The following ACTN1 variants were observed in gnomAD, a reference collection of about 807,000 sequenced individuals.
ACTN1 encodes the protein alpha-actinin-1.
A neutral mutation model predicts 119.6 loss-of-function variants in ACTN1; 30 were observed. The observed-to-expected ratio is 0.25, with a 90% CI of 0.19 to 0.34. The LOEUF is 0.34. ACTN1 is among the 10% of genes least tolerant of loss of function. The probability of loss-of-function intolerance (pLI) is 1.00; values close to 1 mark genes in which losing one functional copy is unlikely to be tolerated. For missense variants in ACTN1, 764 were observed against 1,223.4 expected, an observed-to-expected ratio of 0.62 and a Z score of 5.60; for synonymous variants, 429 against 472.6, an observed-to-expected ratio of 0.91 and a Z score of 1.20.
intron 21 of ACTN1, chr14:68,875,235 A>G (rs1250603219): frequency 1.5e-6 from 2 of 1,318,638 alleles, no homozygotes; most frequent in Non-Finnish European, 2.0e-6. Flanking sequence ...TTTCCACTTC[A>G]GTACCTACTT....
chr14:68,878,349 G>T lies in ACTN1; in HGVS notation c.2427+109C>A, dbSNP rs189636599. Reference sequence around the variant, plus strand: ...ATGGGCCCTGGGGCTCCTCCAGGGAGGGCAGCCCCTAGCCTGAGGGCCTCC... The same window carrying T: ...ATGGGCCCTGGGGCTCCTCCAGGGATGGCAGCCCCTAGCCTGAGGGCCTCC... On this transcript the variant is annotated intron_variant, in intron 20 of 21. Transcript: ENST00000394419. This position sits in a 1 kb window ranked among gnomAD's most constrained non-coding sequence, Gnocchi z 4.4. 712 of 1,443,746 alleles carry T rather than the reference G, an allele frequency of 4.9e-4. 3 individuals are homozygous for T. The African/African-American group carries it at 9.1e-3, about 18-fold the overall frequency. 89.4% of individuals were successfully genotyped at this position (1,443,746 alleles called of 1,614,324 possible). A position where few individuals can be genotyped will look rare whatever the true frequency, so the allele number is the denominator to read the frequency against.
chr14:68,976,290 G>A (rs1358645733), intron 1 of ACTN1, among the ~76,000 whole-genome samples: 2 of 151,996 alleles, frequency 1.3e-5, no homozygotes, highest in Admixed American at 6.6e-5. Context: ...TCACTCCCCT[G>A]CCTCCCTCTG....
intron 1 of ACTN1, 162 bp downstream of exon 1, chr14:68,978,790 T>C: frequency 4.4e-6 from 2 of 451,212 alleles, no homozygotes. Flanking sequence ...GCCAGGCGCC[T>C]GTAACCCAAC....
At position 68,959,324 on chromosome 14, in the gene ACTN1, A is replaced by G. The variant is rs986004070; in HGVS notation, c.105+19628T>C. 1.4e-4 allele frequency among the ~76,000 whole-genome samples: 22 copies of G among 152,210 alleles called. 1 individual carries two copies. Among genetic ancestry groups the G allele is most frequent in the African/African-American group, 5.1e-4 (21 of 41,458 alleles). On this transcript the variant is annotated intron_variant, in intron 1 of 21. Coordinates refer to ENST00000394419, the MANE Select transcript of ACTN1 (RefSeq NM_001130004.2). ...TTTAACACCATACCTGTGGCTTTCA[A>G]TGGGAGCTGATTTAAGAAACAAGTA...
At chr14:68,953,780 G>A (rs577077659) in intron 1 of ACTN1, among the ~76,000 whole-genome samples, 3 of 151,662 alleles carry the variant, frequency 2.0e-5, no homozygotes, top group Admixed American at 6.6e-5. Flanking sequence ...CCAGCTACTC[G>A]GGAGGCTGAG....
intron 3 of ACTN1, among the ~76,000 whole-genome samples, chr14:68,920,128 C>G (rs1038104153): frequency 6.6e-6 from 1 of 152,210 alleles, no homozygotes; most frequent in Middle Eastern, 3.2e-3. Flanking sequence ...ATGGCGGAAC[C>G]TTGAGGAAGT....
chr14:68,892,027 G>A, intron 10 of ACTN1, 26 bp downstream of exon 10: 1 of 1,610,096 alleles, frequency 6.2e-7, no homozygotes, highest in Non-Finnish European at 8.5e-7. Flanking sequence ...CCAGTCTGGG[G>A]GCCCAGGCTC....
chr14:68,919,240 T>G (rs902584907), intron 3 of ACTN1, among the ~76,000 whole-genome samples: 1 of 152,210 alleles, frequency 6.6e-6, no homozygotes, highest in Non-Finnish European at 1.5e-5. Flanking sequence ...ACTTCTTACA[T>G]CCACAAGGTG....
In ACTN1 at chr14:68,960,628, G is replaced by C. The variant is rs969631656; in HGVS notation, c.105+18324C>G. Among the ~76,000 whole-genome samples the C allele has an allele frequency of 2.6e-5, 4 of 151,922 alleles. No individual in the cohort carries two copies. In the East Asian group the frequency reaches 7.7e-4, roughly 29 times the overall value. Reference sequence around the variant, plus strand: ...TCTTCTAACTTTAATTTAAAACTCTGGCCCAGGCACAGTGGCTCCTACCTG... The same window carrying C: ...TCTTCTAACTTTAATTTAAAACTCTCGCCCAGGCACAGTGGCTCCTACCTG... On this transcript the variant is annotated intron_variant, in intron 1 of 21. Coordinates refer to ENST00000394419, the MANE Select transcript of ACTN1 (RefSeq NM_001130004.2).
intron 3 of ACTN1, among the ~76,000 whole-genome samples, chr14:68,916,756 A>G (rs963495137): frequency 2.0e-5 from 3 of 152,212 alleles, no homozygotes; most frequent in Non-Finnish European, 4.4e-5. Flanking sequence ...GTGACAGATT[A>G]ACAGCGTCTG....
chr14:68,935,027 T>A (rs2140452599), intron 1 of ACTN1, among the ~76,000 whole-genome samples: 1 of 152,306 alleles, frequency 6.6e-6, no homozygotes, highest in Non-Finnish European at 1.5e-5. Context: ...GGGCTTTGTT[T>A]TTGTTTTTTT....
intron 1 of ACTN1, among the ~76,000 whole-genome samples, chr14:68,960,890 T>A (rs549530688): frequency 3.4e-4 from 51 of 152,178 alleles, no homozygotes; most frequent in Middle Eastern, 3.4e-3. Flanking sequence ...CTGATCAACA[T>A]AGCAAGACCC....
intron 1 of ACTN1, among the ~76,000 whole-genome samples, chr14:68,933,810 G>GA (rs1011234940): frequency 1.7e-4 from 26 of 152,004 alleles, no homozygotes; most frequent in East Asian, 9.7e-4. Flanking sequence ...CATCTCTACA[G>GA]AAAAAATCAA....
chr14:68,884,162 G>A lies in ACTN1; in HGVS notation c.1635+6C>T. 2 of 1,608,828 alleles carry A rather than the reference G, an allele frequency of 1.2e-6. No individual in the cohort carries two copies. Among genetic ancestry groups the A allele is most frequent in the African/African-American group, 1.3e-5 (1 of 74,912 alleles). On this transcript the variant is annotated splice_donor_region_variant and intron_variant, in intron 14 of 21. Coordinates refer to ENST00000394419, the MANE Select transcript of ACTN1 (RefSeq NM_001130004.2). ...CCAGCCTCCGGGGAGTGGAGGTGGG[G>A]CTCACCTGGATCTCCTCAATGGTGT...
intron 1 of ACTN1, among the ~76,000 whole-genome samples, chr14:68,943,656 T>C (rs17757952): frequency 0.15 from 22,075 of 152,192 alleles, 1,936 homozygotes; most frequent in Non-Finnish European, 0.2. Context: ...AATCATATCC[T>C]AGGGTTGCTC....
chr14:68,921,326 C>T, intron 2 of ACTN1: 2 of 533,734 alleles, frequency 3.7e-6, no homozygotes, highest in Non-Finnish European at 6.1e-6. Flanking sequence ...ATCTACCCTG[C>T]CTCTTCTTTC....
rs2033879523 is a variant in ACTN1 at position 68,909,594 on chromosome 14, G to C, written c.516-198C>G. Among the ~76,000 whole-genome samples the C allele has an allele frequency of 6.6e-6, 1 of 152,108 alleles. No homozygotes were observed. The highest frequency in any genetic ancestry group is 2.1e-4 in the South Asian group (1 of 4,822). On this transcript the variant is annotated intron_variant, in intron 5 of 21. Coordinates refer to ENST00000394419, the MANE Select transcript of ACTN1 (RefSeq NM_001130004.2). This position sits in a 1 kb window ranked among gnomAD's most constrained non-coding sequence, Gnocchi z 4.1. The stretch of plus-strand genomic sequence containing the variant: ...GCACTAGGGTCAAGACTTTGTGGGG[G>C]GGTTGACAAGTTCAGATAAACCTGC...
Position 68,884,170 on chromosome 14 carries a change from G to A in ACTN1, c.1633C>T (p.Gln545Ter). The A allele has an allele frequency of 6.2e-7, 1 of 1,610,812 alleles. No individual in the cohort carries two copies. Among genetic ancestry groups the A allele is most frequent in the Non-Finnish European group, 8.5e-7 (1 of 1,177,942 alleles). ...CGGGGAGTGGAGGTGGGGCTCACCT[G>A]GATCTCCTCAATGGTGTGCACAATG... is the stretch of plus-strand genomic sequence containing the variant. ...TFIVHTIEEIQGLTTAHEQFK... is the reference protein window; with the variant it reads ...TFIVHTIEEI Residue 545 changes from glutamine to a stop codon, truncating the protein, a stop_gained and splice_region_variant, in exon 14 of 22, where the codon CAG (glutamine) becomes TAG (stop). Transcript: ENST00000394419. LOFTEE classifies it high-confidence loss of function.
intron 1 of ACTN1, among the ~76,000 whole-genome samples, chr14:68,976,256 G>T (rs1237300837): frequency 6.6e-6 from 1 of 152,112 alleles, no homozygotes; most frequent in Admixed American, 6.6e-5. Context: ...TCTACACTGT[G>T]TCCTCCTCTT....
Sources: gnomAD v4.1 joint callset for allele counts (sites outside exome capture counted in the v4.1 genomes callset) on GRCh38, gnomAD v4.1.1 for gene constraint, Gnocchi (gnomAD v3.1) non-coding constraint, MANE v1.5 for transcripts, NCBI Gene and HGNC (gene_info 2026-07-23, HGNC 2026-07-21) for gene names.